HDLBP: variants seen among roughly 807,000 people sequenced by gnomAD.
HDLBP encodes the protein high density lipoprotein binding protein.
A neutral mutation model predicts 137.3 loss-of-function variants in HDLBP; 30 were observed. That is an observed-to-expected ratio of 0.22 (90% confidence interval 0.16 to 0.30). The LOEUF is 0.30. HDLBP is among the 10% of genes least tolerant of loss of function. The probability of loss-of-function intolerance (pLI) is 1.00; values close to 1 mark genes in which losing one functional copy is unlikely to be tolerated. For synonymous variants in HDLBP, 606 were observed against 596.0 expected (o/e 1.02, Z -0.24); for missense variants, 1,119 against 1,667.3 (o/e 0.67, Z 5.73).
chr2:241,306,601 G>A (rs980939796), intron 1 of HDLBP, among the ~76,000 whole-genome samples: 2 of 152,038 alleles, frequency 1.3e-5, no homozygotes, highest in Non-Finnish European at 1.5e-5. Context: ...AAATCCTACA[G>A]GTCAAAAAGT....
At chr2:241,285,479 C>T (rs1006115977) in intron 1 of HDLBP, among the ~76,000 whole-genome samples, 4 of 152,160 alleles carry the variant, frequency 2.6e-5, no homozygotes, top group African/African-American at 9.7e-5. Context: ...ATGACCAAGT[C>T]TCCACCCCCA....
At chr2:241,278,496 T>C (rs1157666128) in intron 1 of HDLBP, among the ~76,000 whole-genome samples, 1 of 151,990 alleles carries the variant, frequency 6.6e-6, no homozygotes, top group Non-Finnish European at 1.5e-5. Context: ...GGCAGGAGGA[T>C]TGCTTGAACC....
intron 16 of HDLBP, chr2:241,243,684 T>C (rs2071459712): frequency 6.6e-6 from 1 of 152,394 alleles, no homozygotes; most frequent in Admixed American, 6.5e-5. Context: ...CAGTTTCAAC[T>C]TTCTGGGACG....
In HDLBP at chr2:241,227,656, G is replaced by A. The variant is rs1457958858; in HGVS notation, c.*1945C>T. 4 of 152,668 alleles carry A rather than the reference G, an allele frequency of 2.6e-5. No homozygotes were observed. The highest frequency in any genetic ancestry group is 2.1e-4 in the South Asian group (1 of 4,832). 9.5% of individuals were successfully genotyped at this position (152,668 alleles called of 1,614,324 possible). ...CATACAGAGATGTGCAAAACTTGGT[G>A]AGAATTAAAATTGACCTTTGGGAGA... On this transcript the variant is annotated 3_prime_UTR_variant, in exon 28 of 28. Coordinates refer to ENST00000310931, the MANE Select transcript of HDLBP (RefSeq NM_005336.6).
rs1209358200 is a variant in HDLBP, at chr2:241,233,081, C to G, written c.3288+739G>C. Among the ~76,000 whole-genome samples the G allele has an allele frequency of 6.6e-6, 1 of 152,136 alleles. No individual in the cohort carries two copies. Among genetic ancestry groups the G allele is most frequent in the African/African-American group, 2.4e-5 (1 of 41,416 alleles). On this transcript the variant is annotated intron_variant, in intron 24 of 27. Coordinates refer to ENST00000310931, the MANE Select transcript of HDLBP (RefSeq NM_005336.6). The surrounding 1 kb of genome is among the most constrained non-coding windows in gnomAD (Gnocchi z 4.3). ...AGGGGCTCTGCTGCCAGGGGGTTTG[C>G]TGTTTCTGGAAACCAGCACAACTGT...
Position 241,248,066 on chromosome 2 carries a change from G to A in HDLBP, c.1668C>T (p.Leu556=), listed in dbSNP as rs757326143. The change falls in exon 14 of 28, where the codon CTC becomes CTT. Residue 556 remains leucine (L), a synonymous_variant. Transcript: ENST00000310931. ...DPAQKSDIVQ[L]RGPKNEVEKC... ...TTTCCACCTCATTCTTAGGTCCTCTGAGCTGGACAATGTCACTTTTTTGTG... is the reference window on the plus strand; with the variant it reads ...TTTCCACCTCATTCTTAGGTCCTCTAAGCTGGACAATGTCACTTTTTTGTG... The A allele has an allele frequency of 1.9e-6, 3 of 1,614,160 alleles. No individual in the cohort carries two copies. Among genetic ancestry groups the A allele is most frequent in the East Asian group, 4.5e-5 (2 of 44,892 alleles).
At chr2:241,292,694 T>C (rs1210171818) in intron 1 of HDLBP, among the ~76,000 whole-genome samples, 2 of 152,120 alleles carry the variant, frequency 1.3e-5, no homozygotes, top group Non-Finnish European at 2.9e-5. Context: ...TATAAAATAT[T>C]GGGAGTGGGC....
Position 241,264,573 on chromosome 2 carries a change from G to A in HDLBP, c.109C>T (p.Pro37Ser). The change falls in exon 4 of 28, where the codon CCT becomes TCT. Residue 37 changes from proline to serine, a missense_variant. Coordinates refer to ENST00000310931, the MANE Select transcript of HDLBP (RefSeq NM_005336.6). ...ATLNSEEESD[P>S]PTYKDAFPPL... ...GGGAAGGCATCCTTGTAGGTTGGAG[G>A]GTCGCTCTCCTCTTCTGAATTTAGA... is the stretch of plus-strand genomic sequence containing the variant. 6.2e-7 allele frequency: 1 copy of A among 1,613,812 alleles called. No homozygotes were observed. Among genetic ancestry groups the A allele is most frequent in the Non-Finnish European group, 8.5e-7 (1 of 1,179,940 alleles).
rs779363266 is a variant in HDLBP, at chr2:241,239,801, G to A, written c.2411C>T (p.Ser804Phe). Residue 804 changes from serine to phenylalanine, a missense_variant, in exon 19 of 28, where the codon TCC becomes TTC. By Grantham distance (155) the Ser-to-Phe change is radical. Transcript: ENST00000310931. This position sits in a 1 kb window ranked among gnomAD's most constrained non-coding sequence, Gnocchi z 4.6. Reference sequence around the variant, plus strand: ...GTGGTGCTTGGGGTCCACCAGCATGGAGTCTTCCACCACATTATCCTGCAG... The same window carrying A: ...GTGGTGCTTGGGGTCCACCAGCATGAAGTCTTCCACCACATTATCCTGCAG... Reference protein sequence around the residue: ...IQNLDNVVEDSMLVDPKHHRH... With the variant: ...IQNLDNVVEDFMLVDPKHHRH... 6 of 1,613,826 alleles carry A rather than the reference G, an allele frequency of 3.7e-6. No individual in the cohort carries two copies. In the South Asian group the frequency reaches 5.5e-5, roughly 15 times the overall value.
intron 1 of HDLBP, among the ~76,000 whole-genome samples, chr2:241,314,769 C>T (rs2075952747): frequency 6.6e-6 from 1 of 152,176 alleles, no homozygotes; most frequent in Non-Finnish European, 1.5e-5. Flanking sequence ...CAAAAATACC[C>T]TAGCAACATG....
At position 241,229,442 on chromosome 2, in the gene HDLBP, G is replaced by A. The variant is rs1332243009; in HGVS notation, c.*159C>T. On this transcript the variant is annotated 3_prime_UTR_variant, in exon 28 of 28. Transcript: ENST00000310931. ...CACGGCCAGGCCTGGAGGAGCGGCC[G>A]CACACACAGCCAGGCGCTAGGCTCC... The A allele has an allele frequency of 3.4e-5, 20 of 596,186 alleles. No homozygotes were observed. The highest frequency in any genetic ancestry group is 2.7e-4 in the South Asian group (14 of 51,044). The allele number at this position is 596,186 out of a possible 1,614,324, so 36.9% of individuals were successfully genotyped here.
At chr2:241,234,978 C>T in intron 23 of HDLBP, 143 bp downstream of exon 23, 1 of 933,438 alleles carries the variant, frequency 1.1e-6, no homozygotes, top group Non-Finnish European at 1.6e-6. Context: ...TGGATGCTGA[C>T]TGCGTCCTGG....
chr2:241,266,307 C>T (rs1171175424), intron 3 of HDLBP, among the ~76,000 whole-genome samples: 1 of 152,144 alleles, frequency 6.6e-6, no homozygotes, highest in Non-Finnish European at 1.5e-5. Flanking sequence ...TCACCTGTTC[C>T]CTTTTAATAA....
chr2:241,257,864 G>C (rs536701995), intron 5 of HDLBP, among the ~76,000 whole-genome samples: 1 of 148,742 alleles, frequency 6.7e-6, no homozygotes, highest in Admixed American at 6.6e-5. Flanking sequence ...ACCAGTATAC[G>C]GAAAGACCTG....
intron 1 of HDLBP, among the ~76,000 whole-genome samples, chr2:241,297,720 T>C (rs1374528374): frequency 6.6e-6 from 1 of 151,888 alleles, no homozygotes; most frequent in African/African-American, 2.4e-5. Flanking sequence ...CAGAATATCC[T>C]GTGGTACAAG....
At chr2:241,237,059 A>G (rs1205481343) in intron 20 of HDLBP, among the ~76,000 whole-genome samples, 1 of 151,390 alleles carries the variant, frequency 6.6e-6, no homozygotes, top group East Asian at 1.9e-4. Flanking sequence ...TTGAAGATGA[A>G]GCTAACAGCA....
rs1574872112 is a variant in HDLBP, at chr2:241,239,171, A to G, written c.2611-384T>C. Among the ~76,000 whole-genome samples the G allele has an allele frequency of 6.6e-6, 1 of 152,186 alleles. No homozygotes were observed. The highest frequency in any genetic ancestry group is 2.4e-5 in the African/African-American group (1 of 41,442). On this transcript the variant is annotated intron_variant, in intron 19 of 27. Coordinates refer to ENST00000310931, the MANE Select transcript of HDLBP (RefSeq NM_005336.6). The surrounding 1 kb of genome is among the most constrained non-coding windows in gnomAD (Gnocchi z 4.6). ...GGGACACTCTCTAAAGACTGCTTCTAAAGACCACGTCTTCTCATGACTTCC... is the reference window on the plus strand; with the variant it reads ...GGGACACTCTCTAAAGACTGCTTCTGAAGACCACGTCTTCTCATGACTTCC...
chr2:241,271,592 T>G (rs1015232702), intron 1 of HDLBP, among the ~76,000 whole-genome samples: 3 of 152,172 alleles, frequency 2.0e-5, no homozygotes, highest in African/African-American at 7.2e-5. Flanking sequence ...TGTGATAAGT[T>G]TTGCCAACTA....
At position 241,240,210 on chromosome 2, in the gene HDLBP, T is replaced by A; in HGVS notation, c.2170-88A>T. 7.7e-7 allele frequency: 1 copy of A among 1,298,846 alleles called. No homozygotes were observed. The highest frequency in any genetic ancestry group is 1.1e-6 in the Non-Finnish European group (1 of 894,356). 80.5% of individuals were successfully genotyped at this position (1,298,846 alleles called of 1,614,324 possible). On this transcript the variant is annotated intron_variant, in intron 17 of 27. Coordinates refer to ENST00000310931, the MANE Select transcript of HDLBP (RefSeq NM_005336.6). This position sits in a 1 kb window ranked among gnomAD's most constrained non-coding sequence, Gnocchi z 5.5. ...CAAGAGGGTCTGTAGGACAGCAAGC[T>A]CGGGCTCCCCTTACATTGTCACCAG...
Sources: gnomAD v4.1 joint callset for allele counts (sites outside exome capture counted in the v4.1 genomes callset) on GRCh38, gnomAD v4.1.1 for gene constraint, Gnocchi (gnomAD v3.1) non-coding constraint, MANE v1.5 for transcripts, NCBI Gene and HGNC (gene_info 2026-07-23, HGNC 2026-07-21) for gene names.